Variants in GRB14 observed in about 807,000 individuals in gnomAD.
GRB14 encodes the protein growth factor receptor bound protein 14, also known as growth factor receptor-bound protein 14.
A neutral mutation model predicts 69.1 loss-of-function variants in GRB14; 38 were observed. That is an observed-to-expected ratio of 0.55 (90% CI 0.42 to 0.72). The LOEUF (loss-of-function observed/expected upper bound fraction) is 0.72, where lower values mean the gene tolerates loss of function less well. Among genes scored for constraint, GRB14 ranks in the 30% least tolerant of loss-of-function variants. GRB14 has a pLI of 0.00. For missense variants in GRB14, 666 were observed against 666.1 expected (o/e 1.00, Z 0.00); for synonymous variants, 247 against 241.3 (o/e 1.02, Z -0.22).
At chr2:164,538,225 A>G (rs755223338) in intron 3 of GRB14, among the ~76,000 whole-genome samples, 55 of 152,214 alleles carry the variant, frequency 3.6e-4, no homozygotes, top group Non-Finnish European at 6.5e-4. Context: ...TGATACTAAA[A>G]TACAATTAAT....
chr2:164,598,714 A>G (rs1689845454), intron 2 of GRB14, among the ~76,000 whole-genome samples: 1 of 152,228 alleles, frequency 6.6e-6, no homozygotes, highest in African/African-American at 2.4e-5. Context: ...CAACAAAGTC[A>G]GATAAGAGTC....
At chr2:164,542,048 CA>C (rs2105305008) in intron 3 of GRB14, among the ~76,000 whole-genome samples, 1 of 152,266 alleles carries the variant, frequency 6.6e-6, no homozygotes, top group East Asian at 1.9e-4. Flanking sequence ...CTACAGTAAT[CA>C]AAACAGCATG....
intron 2 of GRB14, among the ~76,000 whole-genome samples, chr2:164,604,584 A>G (rs1690000894): frequency 6.6e-6 from 1 of 152,118 alleles, no homozygotes; most frequent in Non-Finnish European, 1.5e-5. Flanking sequence ...ATAAAATGGG[A>G]TTGAGAACAA....
At chr2:164,571,777 T>C (rs1391014989) in intron 2 of GRB14, among the ~76,000 whole-genome samples, 1 of 152,192 alleles carries the variant, frequency 6.6e-6, no homozygotes, top group Non-Finnish European at 1.5e-5. Flanking sequence ...GCAAAAGAAC[T>C]TGACCAAGTT....
intron 2 of GRB14, among the ~76,000 whole-genome samples, chr2:164,574,922 C>T (rs1050711480): frequency 1.3e-5 from 2 of 151,338 alleles, no homozygotes; most frequent in Non-Finnish European, 2.9e-5. Context: ...AGAGGGAGAC[C>T]CTATCTCAAA....
chr2:164,614,369 T>TA (rs1191512855), intron 2 of GRB14, among the ~76,000 whole-genome samples: 1 of 152,220 alleles, frequency 6.6e-6, no homozygotes, highest in Non-Finnish European at 1.5e-5. Flanking sequence ...AAAATGAATT[T>TA]AAACTTCCAA....
At chr2:164,498,686 T>C (rs777919525) in intron 9 of GRB14, among the ~76,000 whole-genome samples, 29 of 152,190 alleles carry the variant, frequency 1.9e-4, no homozygotes, top group Non-Finnish European at 3.2e-4. Context: ...TATCTCTCTT[T>C]ATGTAGATTC....
chr2:164,553,194 C>T (rs1248358805), intron 2 of GRB14, among the ~76,000 whole-genome samples: 1 of 151,966 alleles, frequency 6.6e-6, no homozygotes, highest in Non-Finnish European at 1.5e-5. Flanking sequence ...GAAGGCTAAA[C>T]CAATTTTTTT....
At chr2:164,568,069 C>A (rs767980716) in intron 2 of GRB14, among the ~76,000 whole-genome samples, 6 of 152,138 alleles carry the variant, frequency 3.9e-5, no homozygotes, top group African/African-American at 1.2e-4. Flanking sequence ...ATCACAGTGA[C>A]CTGAAATCGA....
At chr2:164,530,378 C>T (rs973389755) in intron 3 of GRB14, among the ~76,000 whole-genome samples, 2 of 152,096 alleles carry the variant, frequency 1.3e-5, no homozygotes, top group Non-Finnish European at 1.5e-5. Context: ...ACCCAAACAC[C>T]TCCCACTAGG....
intron 6 of GRB14, among the ~76,000 whole-genome samples, chr2:164,511,177 C>A (rs958531776): frequency 6.6e-6 from 1 of 152,168 alleles, no homozygotes; most frequent in Non-Finnish European, 1.5e-5. Context: ...GAAAGGCAGT[C>A]TAGGCTGCAA....
rs75057117 is a variant in GRB14, at chr2:164,515,748, T to G, written c.816+6232A>C. Among the ~76,000 whole-genome samples the G allele has an allele frequency of 5.8e-3, 863 of 149,732 alleles. 9 individuals are homozygous for G. Among genetic ancestry groups the G allele is most frequent in the African/African-American group, 0.02 (810 of 40,568 alleles). The stretch of plus-strand genomic sequence containing the variant: ...TTGTCAGAAAAAGAATTTAGAAGAT[T>G]GATTATTAAGCTCATCATGAAGGCA... On this transcript the variant is annotated intron_variant, in intron 6 of 13. Coordinates refer to ENST00000263915, the MANE Select transcript of GRB14 (RefSeq NM_004490.3).
intron 3 of GRB14, among the ~76,000 whole-genome samples, chr2:164,535,867 A>G (rs1417658377): frequency 1.3e-5 from 2 of 152,190 alleles, no homozygotes; most frequent in African/African-American, 4.8e-5. Context: ...CCTGCAGTTC[A>G]TTCTTCTGCG....
At chr2:164,618,046 A>G (rs1012699811) in intron 2 of GRB14, among the ~76,000 whole-genome samples, 1 of 150,858 alleles carries the variant, frequency 6.6e-6, no homozygotes, top group African/African-American at 2.4e-5. Context: ...AGCTCACTGC[A>G]GCCTCCGCCT....
intron 6 of GRB14, among the ~76,000 whole-genome samples, chr2:164,517,893 T>TG (rs1687537413): frequency 6.6e-6 from 1 of 152,150 alleles, no homozygotes; most frequent in Non-Finnish European, 1.5e-5. Flanking sequence ...CGTAAAGAAA[T>TG]GAGATAGACA....
At chr2:164,606,917 G>T (rs932812264) in intron 2 of GRB14, among the ~76,000 whole-genome samples, 2 of 152,190 alleles carry the variant, frequency 1.3e-5, no homozygotes, top group African/African-American at 4.8e-5. Context: ...TGGGTTGATT[G>T]AAAAGCTTTT....
chr2:164,519,983 C>T (rs1052457693), intron 6 of GRB14, among the ~76,000 whole-genome samples: 7 of 151,868 alleles, frequency 4.6e-5, no homozygotes, highest in South Asian at 4.2e-4. Context: ...AAAATACCAT[C>T]ATCGTTCTTC....
chr2:164,553,041 G>A (rs1182683677), intron 2 of GRB14, among the ~76,000 whole-genome samples: 2 of 152,132 alleles, frequency 1.3e-5, no homozygotes, highest in Non-Finnish European at 1.5e-5. Flanking sequence ...TGCTGAAAAT[G>A]TTCTCTGCAC....
chr2:164,494,629 A>G, intron 12 of GRB14, 105 bp from the exon 13 acceptor site: 1 of 740,686 alleles, frequency 1.4e-6, no homozygotes, highest in South Asian at 1.5e-5. Context: ...GTAGCTGGGG[A>G]CTCCTTTACT....
Sources: gnomAD v4.1 joint callset for allele counts (sites outside exome capture counted in the v4.1 genomes callset) on GRCh38, gnomAD v4.1.1 for gene constraint, MANE v1.5 for transcripts, NCBI Gene and HGNC (gene_info 2026-07-23, HGNC 2026-07-21) for gene names.